The following CPEB2 variants were observed in gnomAD, a reference collection of about 807,000 sequenced individuals.
CPEB2 encodes the protein cytoplasmic polyadenylation element binding protein 2.
A neutral mutation model predicts 93.6 loss-of-function variants in CPEB2; 56 were observed. The observed-to-expected ratio is 0.60, with a 90% CI of 0.48 to 0.75. The LOEUF is 0.75. CPEB2 is among the 30% of genes least tolerant of loss of function. CPEB2 has a pLI of 0.00. For missense variants in CPEB2, 1,579 were observed against 1,395.1 expected (o/e 1.13, Z -2.10); for synonymous variants, 764 against 586.3 (o/e 1.30, Z -4.38).
intron 4 of CPEB2, among the ~76,000 whole-genome samples, chr4:15,019,560 G>C (rs952608642): frequency 2.6e-5 from 4 of 151,590 alleles, no homozygotes; most frequent in African/African-American, 9.7e-5. Flanking sequence ...CTCATCTCTT[G>C]TCTCTTACCT....
At chr4:15,012,536 T>C (rs1224018154) in intron 3 of CPEB2, among the ~76,000 whole-genome samples, 1 of 152,156 alleles carries the variant, frequency 6.6e-6, no homozygotes, top group Non-Finnish European at 1.5e-5. Flanking sequence ...GGGTTATCTA[T>C]GTAGAACAAC....
At chr4:15,034,409 A>G (rs1422797553) in intron 5 of CPEB2, among the ~76,000 whole-genome samples, 2 of 152,218 alleles carry the variant, frequency 1.3e-5, no homozygotes, top group Non-Finnish European at 2.9e-5. Flanking sequence ...GCCCTTATAA[A>G]TAATCTAGAT....
At chr4:15,009,531 C>T (rs980111783) in intron 3 of CPEB2, among the ~76,000 whole-genome samples, 2 of 152,024 alleles carry the variant, frequency 1.3e-5, no homozygotes, top group African/African-American at 4.8e-5. Flanking sequence ...TTATTAGTGA[C>T]GTTTTTATGG....
Position 15,003,708 on chromosome 4 carries a change from G to A in CPEB2, c.1035G>A (p.Pro345=), listed in dbSNP as rs747964922. The A allele has an allele frequency of 2.2e-6, 3 of 1,392,306 alleles. No homozygotes were observed. The highest frequency in any genetic ancestry group is 5.8e-5 in the Admixed American group (2 of 34,744). The allele number at this position is 1,392,306 out of a possible 1,614,324, so 86.2% of individuals were successfully genotyped here. A position where few individuals can be genotyped will look rare whatever the true frequency, so the allele number is the denominator to read the frequency against. The change falls in exon 1 of 12, where the codon CCG becomes CCA. Residue 345 remains proline, a synonymous_variant. Coordinates refer to ENST00000538197, the MANE Select transcript of CPEB2 (RefSeq NM_001177382.2). ...GCGCCTTCAGCAGCCTGCAGAGCCC[G>A]GACCTTCCACACCCGGGCGGCGGCG... ...GAGAFSSLQS[P]DLPHPGGGGG... is the part of the protein sequence containing the mutation.
Position 15,069,716 on chromosome 4 carries a change from T to A in CPEB2, c.*3336T>A, listed in dbSNP as rs192917488. 6.6e-6 allele frequency: 1 copy of A among 152,356 alleles called. No individual in the cohort carries two copies. The allele number at this position is 152,356 out of a possible 1,614,324, so 9.4% of individuals were successfully genotyped here. ...TGCTAAAGTTTATTTTATGTTGAAT[T>A]ATTTTTGGAGCTGAAATCTTTGTAA... On this transcript the variant is annotated 3_prime_UTR_variant, in exon 12 of 12. Coordinates refer to ENST00000538197, the MANE Select transcript of CPEB2 (RefSeq NM_001177382.2).
chr4:15,039,142 G>C (rs959940271), intron 5 of CPEB2, among the ~76,000 whole-genome samples: 1 of 152,104 alleles, frequency 6.6e-6, no homozygotes, highest in African/African-American at 2.4e-5. Flanking sequence ...CAGATTACAA[G>C]CTAAATAAAG....
intron 11 of CPEB2, among the ~76,000 whole-genome samples, chr4:15,065,253 A>T (rs991360096): frequency 6.6e-6 from 1 of 152,044 alleles, no homozygotes; most frequent in African/African-American, 2.4e-5. Context: ...TTGGGTCATT[A>T]CTTTTTACTA....
intron 5 of CPEB2, among the ~76,000 whole-genome samples, chr4:15,037,336 T>C (rs1726717763): frequency 6.6e-6 from 1 of 151,946 alleles, no homozygotes; most frequent in Admixed American, 6.6e-5. Flanking sequence ...TGTGATTTAG[T>C]AGCATGGTTC....
Position 15,052,598 on chromosome 4 carries a change from TATTTATTAA to T in CPEB2, c.2371+15_2371+23del, listed in dbSNP as rs753845300. The T allele has an allele frequency of 6.2e-6, 9 of 1,457,174 alleles. No individual in the cohort carries two copies. The South Asian group carries it at 1.2e-4, about 19-fold the overall frequency. 90.3% of individuals were successfully genotyped at this position (1,457,174 alleles called of 1,614,324 possible). On this transcript the variant is annotated intron_variant, in intron 7 of 11. Coordinates refer to ENST00000538197, the MANE Select transcript of CPEB2 (RefSeq NM_001177382.2). The stretch of plus-strand genomic sequence containing the variant: ...ATATTGATGAAGGTATTTATTAAGA[TATTTATTAA>T]CATGGTGATTTGGGCTTTAACAAAA...
chr4:15,039,109 T>C (rs1289377668), intron 5 of CPEB2, among the ~76,000 whole-genome samples: 1 of 152,158 alleles, frequency 6.6e-6, no homozygotes, highest in Non-Finnish European at 1.5e-5. Flanking sequence ...TCATTGGAGC[T>C]CAAGGATAGG....
At chr4:15,022,469 G>T (rs1560226769) in intron 4 of CPEB2, among the ~76,000 whole-genome samples, 1 of 151,786 alleles carries the variant, frequency 6.6e-6, no homozygotes, top group African/African-American at 2.4e-5. Context: ...GAGTATAGAA[G>T]AAAATCACAT....
At chr4:15,052,721 A>C (rs1011691361) in intron 7 of CPEB2, 137 bp downstream of exon 7, 4 of 470,436 alleles carry the variant, frequency 8.5e-6, no homozygotes, top group Non-Finnish European at 1.4e-5. Flanking sequence ...TTCTTCTTTT[A>C]AAATACTTTA....
chr4:15,025,886 G>GACTGT, intron 4 of CPEB2, among the ~76,000 whole-genome samples: 1 of 152,204 alleles, frequency 6.6e-6, no homozygotes, highest in South Asian at 2.1e-4. Context: ...ACAGTTCCCA[G>GACTGT]AAATTTGATG....
intron 5 of CPEB2, among the ~76,000 whole-genome samples, chr4:15,036,324 T>G (rs1392304482): frequency 6.6e-6 from 1 of 152,188 alleles, no homozygotes; most frequent in African/African-American, 2.4e-5. Flanking sequence ...TTGAATTGAC[T>G]GCTGGAGACT....
intron 4 of CPEB2, among the ~76,000 whole-genome samples, chr4:15,026,563 C>T (rs1390628277): frequency 6.6e-6 from 1 of 152,128 alleles, no homozygotes; most frequent in Non-Finnish European, 1.5e-5. Context: ...TAATCTTTCA[C>T]ATAAGACTGT....
Position 15,066,368 on chromosome 4 carries a change from C to G in CPEB2, c.3093C>G (p.Phe1031Leu), listed in dbSNP as rs1317290494. The G allele has an allele frequency of 6.2e-7, 1 of 1,601,782 alleles. No homozygotes were observed. The highest frequency in any genetic ancestry group is 1.3e-5 in the African/African-American group (1 of 74,710). Residue 1031 changes from phenylalanine (F) to leucine (L), a missense_variant, in exon 12 of 12, where the codon TTC becomes TTG. Physicochemically the swap from Phe to Leu is conservative, Grantham distance 22 (BLOSUM62 0). Coordinates refer to ENST00000538197, the MANE Select transcript of CPEB2 (RefSeq NM_001177382.2). ...EGADRPRQIH[F>L]RWN ...CTGATCGCCCACGTCAGATCCACTT[C>G]CGCTGGAACTAAGAATAGCAAACTG...
chr4:15,017,838 T>C (rs1724349176), intron 4 of CPEB2: 1 of 151,966 alleles, frequency 6.6e-6, no homozygotes, highest in Non-Finnish European at 1.5e-5. Flanking sequence ...TTTGTAGTAT[T>C]TGAAGAAATT....
intron 11 of CPEB2, among the ~76,000 whole-genome samples, chr4:15,063,522 A>G (rs892263918): frequency 1.3e-5 from 2 of 152,068 alleles, no homozygotes; most frequent in Non-Finnish European, 2.9e-5. Context: ...AAATCTTGAC[A>G]TTTGGGTCCT....
chr4:15,003,677 G>T lies in CPEB2; in HGVS notation c.1004G>T (p.Gly335Val), dbSNP rs1722332402. The change falls in exon 1 of 12, where the codon GGC becomes GTC. Residue 335 changes from glycine to valine, a missense_variant. Physicochemically the swap from Gly to Val is moderately radical, Grantham distance 109. Coordinates refer to ENST00000538197, the MANE Select transcript of CPEB2 (RefSeq NM_001177382.2). ...PSNLLPGGAL[G>V]AGAFSSLQSP... is the part of the protein sequence containing the mutation. ...AACCTCCTGCCCGGAGGTGCGCTTG[G>T]CGCGGGCGCCTTCAGCAGCCTGCAG... 6.8e-7 allele frequency: 1 copy of T among 1,463,408 alleles called. No individual in the cohort carries two copies. Among genetic ancestry groups the T allele is most frequent in the Non-Finnish European group, 9.0e-7 (1 of 1,109,984 alleles). The allele number at this position is 1,463,408 out of a possible 1,614,324, so 90.7% of individuals were successfully genotyped here.
Sources: gnomAD v4.1 joint callset for allele counts (sites outside exome capture counted in the v4.1 genomes callset) on GRCh38, gnomAD v4.1.1 for gene constraint, MANE v1.5 for transcripts, NCBI Gene and HGNC (gene_info 2026-07-23, HGNC 2026-07-21) for gene names.